The following ARL15 variants were observed in gnomAD, a reference collection of about 807,000 sequenced individuals.
ARL15 encodes ADP-ribosylation factor-like protein 15.
ARL15 carries 19 observed loss-of-function variants against 25.2 expected under a neutral mutation model. The observed-to-expected ratio is 0.75, with a 90% confidence interval of 0.53 to 1.10. The LOEUF is 1.10. ARL15 is among the 50% of genes least tolerant of loss of function. The pLI is 0.00. For missense variants in ARL15, 220 were observed against 246.0 expected (o/e 0.89, Z 0.71); for synonymous variants, 94 against 86.8 (o/e 1.08, Z -0.46).
intron 1 of ARL15, among the ~76,000 whole-genome samples, chr5:54,245,647 G>A (rs1252163800): frequency 6.6e-6 from 1 of 152,066 alleles, no homozygotes; most frequent in Non-Finnish European, 1.5e-5. Flanking sequence ...GAGTGCACTG[G>A]CGCGATCTTG....
chr5:54,041,045 A>G (rs917512233), intron 4 of ARL15, among the ~76,000 whole-genome samples: 8 of 152,240 alleles, frequency 5.3e-5, no homozygotes, highest in African/African-American at 1.9e-4. Context: ...ATATTCTATT[A>G]GACAAAGTAA....
intron 1 of ARL15, among the ~76,000 whole-genome samples, chr5:54,234,426 G>A (rs770298672): frequency 6.6e-6 from 1 of 152,112 alleles, no homozygotes; most frequent in African/African-American, 2.4e-5. Context: ...AAGGGGTCCT[G>A]AGACCAAAAA....
At chr5:54,126,500 T>A (rs1316415854) in intron 3 of ARL15, among the ~76,000 whole-genome samples, 1 of 152,230 alleles carries the variant, frequency 6.6e-6, no homozygotes, top group Admixed American at 6.5e-5. Flanking sequence ...CCAGTGTAAT[T>A]GCCAAGCTCT....
chr5:54,279,989 G>A (rs10940374), intron 1 of ARL15, among the ~76,000 whole-genome samples: 2 of 152,026 alleles, frequency 1.3e-5, no homozygotes, highest in Non-Finnish European at 2.9e-5. Context: ...ACTGGGCTGC[G>A]AGCCAGCGCC....
chr5:54,248,904 TA>T (rs1490175572), intron 1 of ARL15, among the ~76,000 whole-genome samples: 1 of 151,928 alleles, frequency 6.6e-6, no homozygotes, highest in Non-Finnish European at 1.5e-5. Flanking sequence ...TGGTAATACT[TA>T]AAAAACCAGA....
intron 1 of ARL15, among the ~76,000 whole-genome samples, chr5:54,227,280 C>G (rs1756550898): frequency 6.6e-6 from 1 of 152,178 alleles, no homozygotes; most frequent in South Asian, 2.1e-4. Flanking sequence ...ATGACAGGAT[C>G]CCTACACAGC....
chr5:54,268,440 A>G (rs1254614016), intron 1 of ARL15, among the ~76,000 whole-genome samples: 2 of 152,128 alleles, frequency 1.3e-5, no homozygotes, highest in Non-Finnish European at 2.9e-5. Flanking sequence ...GAGTAGTTTG[A>G]TCGTCTGAAG....
intron 4 of ARL15, among the ~76,000 whole-genome samples, chr5:53,998,297 A>G (rs1748747183): frequency 6.6e-6 from 1 of 152,098 alleles, no homozygotes; most frequent in Non-Finnish European, 1.5e-5. Context: ...AAAAAAAAAA[A>G]AAAAGCTTTT....
intron 4 of ARL15, among the ~76,000 whole-genome samples, chr5:53,927,168 A>G (rs1746058097): frequency 6.6e-6 from 1 of 152,186 alleles, no homozygotes; most frequent in African/African-American, 2.4e-5. Context: ...GAGGGCGTGA[A>G]TAGGAACTCA....
intron 4 of ARL15, among the ~76,000 whole-genome samples, chr5:54,075,860 T>C (rs560044752): frequency 2.6e-4 from 40 of 152,266 alleles, no homozygotes; most frequent in African/African-American, 9.1e-4. Flanking sequence ...ATAAGTACCA[T>C]ATTAAATGTG....
intron 4 of ARL15, among the ~76,000 whole-genome samples, chr5:53,958,834 A>G (rs1305394881): frequency 6.6e-6 from 1 of 152,236 alleles, no homozygotes; most frequent in Non-Finnish European, 1.5e-5. Context: ...TGTATTGATA[A>G]AAGGGTCAAT....
At chr5:54,090,947 T>G (rs903908491) in intron 4 of ARL15, among the ~76,000 whole-genome samples, 2 of 130,372 alleles carry the variant, frequency 1.5e-5, no homozygotes, top group African/African-American at 4.9e-5. Context: ...AGATGTTTTA[T>G]GGCTGAAAGG....
At chr5:53,983,492 C>A (rs989411933) in intron 4 of ARL15, among the ~76,000 whole-genome samples, 3 of 152,160 alleles carry the variant, frequency 2.0e-5, no homozygotes, top group Admixed American at 2.0e-4. Context: ...AGCAATGTCA[C>A]TTTCAGCCTT....
At chr5:54,042,965 G>C (rs142462338) in intron 4 of ARL15, among the ~76,000 whole-genome samples, 4 of 151,916 alleles carry the variant, frequency 2.6e-5, no homozygotes, top group African/African-American at 9.7e-5. Flanking sequence ...TTTTTAAAAC[G>C]GCTTAGCTTT....
intron 1 of ARL15, among the ~76,000 whole-genome samples, chr5:54,189,247 T>C (rs1191166011): frequency 1.3e-5 from 2 of 152,130 alleles, no homozygotes; most frequent in Non-Finnish European, 2.9e-5. Context: ...ACTACCCAAA[T>C]GGATTCAATG....
At chr5:53,937,816 A>G (rs1196349077) in intron 4 of ARL15, among the ~76,000 whole-genome samples, 1 of 135,098 alleles carries the variant, frequency 7.4e-6, no homozygotes, top group African/African-American at 2.7e-5. Context: ...GGGGTACACT[A>G]TGAAATGGCA....
intron 3 of ARL15, among the ~76,000 whole-genome samples, chr5:54,153,193 A>G (rs1754121883): frequency 6.6e-6 from 1 of 152,244 alleles, no homozygotes; most frequent in Non-Finnish European, 1.5e-5. Context: ...ACCAAGGAAT[A>G]ATCAGCAGAA....
At chr5:54,222,983 ATT>A (rs35959438) in intron 1 of ARL15, among the ~76,000 whole-genome samples, 58,503 of 126,816 alleles carry the variant, frequency 0.46, 13,836 homozygotes, top group African/African-American at 0.61. Context: ...CTATGCCTGG[ATT>A]TTTTTTTTTT....
chr5:54,024,186 A>G (rs1248859821), intron 4 of ARL15, among the ~76,000 whole-genome samples: 1 of 152,174 alleles, frequency 6.6e-6, no homozygotes, highest in Non-Finnish European at 1.5e-5. Context: ...CCTACGATAC[A>G]AGTTTCCTGG....
Sources: allele counts gnomAD v4.1 joint callset (sites outside exome capture counted in the v4.1 genomes callset), GRCh38; gene constraint gnomAD v4.1.1; transcripts MANE v1.5; gene names NCBI Gene and HGNC (gene_info 2026-07-23, HGNC 2026-07-21).